Variants in RGL1 observed in about 807,000 individuals in gnomAD.
RGL1 encodes the protein ral guanine nucleotide dissociation stimulator like 1, also known as ral guanine nucleotide dissociation stimulator-like 1.
In RGL1, 24 loss-of-function variants were observed where a neutral mutation model predicts 95.2. The observed-to-expected ratio is 0.25, with a 90% CI of 0.18 to 0.35. RGL1 has a LOEUF of 0.35. RGL1 is among the 10% of genes least tolerant of loss of function. The probability of loss-of-function intolerance (pLI) is 1.00; values close to 1 mark genes in which losing one functional copy is unlikely to be tolerated. For missense variants in RGL1, 715 were observed against 936.3 expected (o/e 0.76, Z 3.08); for synonymous variants, 329 against 344.9 (o/e 0.95, Z 0.51).
rs1374369830 is a variant in RGL1 at position 183,849,482 on chromosome 1, AGTTTTTTT to A, written c.347+1709_347+1716del. Among the ~76,000 whole-genome samples the A allele has an allele frequency of 9.1e-5, 9 of 99,400 alleles. No homozygotes were observed. In the East Asian group the frequency reaches 9.3e-4, roughly 10 times the overall value. The allele number at this position is 99,400 out of a possible 152,430, so 65.2% of individuals were successfully genotyped here. A position where few individuals can be genotyped will look rare whatever the true frequency, so the allele number is the denominator to read the frequency against. The stretch of plus-strand genomic sequence containing the variant: ...GACATTTAAGTTTTCTCCAGTTTTT[AGTTTTTTT>A]TTTTTTTTTTTTTTTTGTTGAGATG... On this transcript the variant is annotated intron_variant, in intron 3 of 17. Transcript: ENST00000360851.
rs189155174 is a variant in RGL1 at position 183,908,089 on chromosome 1, C to G, written c.1562+988C>G. ...ACACATACATATATATATGCAGTAC[C>G]TAGCTCTCAATATGTGCCTGAAAAA... On this transcript the variant is annotated intron_variant, in intron 14 of 17. Coordinates refer to ENST00000360851, the MANE Select transcript of RGL1 (RefSeq NM_001297671.3). 1.5e-3 allele frequency among the ~76,000 whole-genome samples: 233 copies of G among 152,054 alleles called. 2 individuals carry two copies. Among genetic ancestry groups the G allele is most frequent in the African/African-American group, 3.9e-3 (160 of 41,452 alleles).
intron 3 of RGL1, among the ~76,000 whole-genome samples, chr1:183,856,043 G>A (rs528517960): frequency 6.6e-6 from 1 of 152,112 alleles, no homozygotes; most frequent in Non-Finnish European, 1.5e-5. Flanking sequence ...GCTCCAGGAT[G>A]CACATCCCAT....
At chr1:183,775,873 CAT>C (rs1558200344) in intron 2 of RGL1, among the ~76,000 whole-genome samples, 1 of 152,126 alleles carries the variant, frequency 6.6e-6, no homozygotes, top group Admixed American at 6.5e-5. Context: ...AAATTGTTAA[CAT>C]ATGTTAATTC....
intron 2 of RGL1, among the ~76,000 whole-genome samples, chr1:183,829,274 T>C (rs1190438761): frequency 6.6e-6 from 1 of 151,904 alleles, no homozygotes; most frequent in African/African-American, 2.4e-5. Context: ...ACCTCGTCTC[T>C]ATGAAAAAAA....
At chr1:183,882,753 C>A (rs1666896638) in intron 5 of RGL1, among the ~76,000 whole-genome samples, 2 of 152,146 alleles carry the variant, frequency 1.3e-5, no homozygotes. Flanking sequence ...GGTCCACTCT[C>A]GGAAGCTCCT....
intron 2 of RGL1, among the ~76,000 whole-genome samples, chr1:183,823,867 G>A (rs1174815519): frequency 6.6e-6 from 1 of 152,126 alleles, no homozygotes; most frequent in Non-Finnish European, 1.5e-5. Context: ...GCTTACTGCA[G>A]CCTCAAACTT....
intron 2 of RGL1, among the ~76,000 whole-genome samples, chr1:183,806,781 C>T (rs12077856): frequency 0.027 from 4,085 of 152,072 alleles, 156 homozygotes; most frequent in African/African-American, 0.087. Flanking sequence ...AATACAGGCC[C>T]AGAGAGCAGC....
rs1391174489 is a variant in RGL1 at position 183,839,269 on chromosome 1, G to C, written c.139-8297G>C. 2.6e-5 allele frequency among the ~76,000 whole-genome samples: 4 copies of C among 152,116 alleles called. No individual in the cohort carries two copies. In the East Asian group the frequency reaches 7.7e-4, roughly 29 times the overall value. ...AACTTTTAGATTCTAACTGCCTGTT[G>C]GACTTACCATTGGCATGTAATTCAG... is the stretch of plus-strand genomic sequence containing the variant. On this transcript the variant is annotated intron_variant, in intron 2 of 17. Coordinates refer to ENST00000360851, the MANE Select transcript of RGL1 (RefSeq NM_001297671.3).
intron 1 of RGL1, among the ~76,000 whole-genome samples, chr1:183,680,529 G>A (rs1653140186): frequency 6.6e-6 from 1 of 151,954 alleles, no homozygotes; most frequent in Non-Finnish European, 1.5e-5. Context: ...CTGTTCCATT[G>A]GTCTATATAT....
At chr1:183,659,258 C>T (rs1411947751) in intron 1 of RGL1, among the ~76,000 whole-genome samples, 4 of 152,082 alleles carry the variant, frequency 2.6e-5, no homozygotes, top group East Asian at 3.9e-4. Flanking sequence ...CAAACTACTC[C>T]GAGCTACAGG....
chr1:183,841,496 A>G (rs139651922), intron 2 of RGL1, among the ~76,000 whole-genome samples: 461 of 152,316 alleles, frequency 3.0e-3, no homozygotes, highest in Non-Finnish European at 5.5e-3. Context: ...GTTTGCCACT[A>G]TTTTTAATGG....
chr1:183,892,782 T>C (rs1390565923), intron 9 of RGL1, among the ~76,000 whole-genome samples: 4 of 152,218 alleles, frequency 2.6e-5, no homozygotes, highest in African/African-American at 9.6e-5. Flanking sequence ...TTGGGGTATA[T>C]AGACACTAAA....
chr1:183,723,051 G>A (rs146152085), intron 1 of RGL1, among the ~76,000 whole-genome samples: 1 of 152,124 alleles, frequency 6.6e-6, no homozygotes, highest in Non-Finnish European at 1.5e-5. Flanking sequence ...AAGGGCATTG[G>A]GGGGGAAATG....
At position 183,703,779 on chromosome 1, in the gene RGL1, T is replaced by A. The variant is rs184314302; in HGVS notation, c.-32-38347T>A. On this transcript the variant is annotated intron_variant, in intron 1 of 18. Coordinates refer to the RGL1 transcript ENST00000304685. ...CTTGCCCAGGTACCTGTCTCTGGGC[T>A]TGGTGGGTAGGAAAAGGCAGTGGCT... Among the ~76,000 whole-genome samples the A allele has an allele frequency of 1.4e-4, 22 of 152,202 alleles. 1 individual carries two copies. The East Asian group carries it at 4.2e-3, about 29-fold the overall frequency.
chr1:183,715,637 C>T (rs1321813693), intron 1 of RGL1, among the ~76,000 whole-genome samples: 1 of 152,104 alleles, frequency 6.6e-6, no homozygotes, highest in Non-Finnish European at 1.5e-5. Flanking sequence ...CCCATGCAAT[C>T]CTTAGCTCAT....
At chr1:183,900,116 CAATA>C (rs1279888904) in intron 10 of RGL1, 30 bp from the exon 11 acceptor site, 1 of 1,567,994 alleles carries the variant, frequency 6.4e-7, no homozygotes, top group Non-Finnish European at 8.8e-7. Context: ...TTTTCAATGA[CAATA>C]AAGACAGTTT....
intron 4 of RGL1, among the ~76,000 whole-genome samples, chr1:183,866,525 C>T (rs555291496): frequency 2.9e-4 from 44 of 152,024 alleles, no homozygotes; most frequent in Non-Finnish European, 5.9e-4. Context: ...ATAGCCAGGC[C>T]GACAGACCAC....
At chr1:183,671,289 T>C (rs1652434968) in intron 1 of RGL1, among the ~76,000 whole-genome samples, 1 of 152,160 alleles carries the variant, frequency 6.6e-6, no homozygotes, top group Non-Finnish European at 1.5e-5. Flanking sequence ...AAAAAGCCAC[T>C]CTGAACATTC....
At chr1:183,640,853 CTA>C (rs1158661689) in intron 1 of RGL1, among the ~76,000 whole-genome samples, 188 of 152,230 alleles carry the variant, frequency 1.2e-3, no homozygotes, top group African/African-American at 4.4e-3. Flanking sequence ...TGCTTTGTTC[CTA>C]TTTCAATTTC....
Sources: gnomAD v4.1 joint callset for allele counts (sites outside exome capture counted in the v4.1 genomes callset) on GRCh38, gnomAD v4.1.1 for gene constraint, MANE v1.5 for transcripts, NCBI Gene and HGNC (gene_info 2026-07-23, HGNC 2026-07-21) for gene names.